CSMD1: variants seen among roughly 807,000 people sequenced by gnomAD.
The protein encoded by CSMD1 is CUB and Sushi multiple domains 1, also known as CUB and sushi domain-containing protein 1.
Under a neutral mutation model 417.5 loss-of-function variants are expected in CSMD1, and 213 were observed. The ratio of observed to expected loss-of-function variants is 0.51; its 90% CI spans 0.46 to 0.57. The LOEUF is 0.57. CSMD1 is among the 20% of genes least tolerant of loss of function. The probability of loss-of-function intolerance (pLI) is 0.00; values close to 1 mark genes in which losing one functional copy is unlikely to be tolerated. For missense variants in CSMD1, 6,923 were observed against 4,529.7 expected (o/e 1.53, Z -15.17); for synonymous variants, 2,862 against 1,736.8 (o/e 1.65, Z -16.11).
chr8:4,408,623 G>A (rs1796471705), intron 3 of CSMD1, among the ~76,000 whole-genome samples: 1 of 152,160 alleles, frequency 6.6e-6, no homozygotes, highest in African/African-American at 2.4e-5. Context: ...AATGGAAAAT[G>A]TACTCTATAT....
At chr8:4,177,860 C>G (rs1218804086) in intron 3 of CSMD1, among the ~76,000 whole-genome samples, 7 of 151,784 alleles carry the variant, frequency 4.6e-5, no homozygotes, top group Non-Finnish European at 7.4e-5. Flanking sequence ...GACACATACA[C>G]TCTCCCAAGA....
chr8:4,611,269 G>A (rs1358155506), intron 2 of CSMD1, among the ~76,000 whole-genome samples: 1 of 152,138 alleles, frequency 6.6e-6, no homozygotes, highest in Non-Finnish European at 1.5e-5. Flanking sequence ...TTAATCCTGT[G>A]TTGTGAAAAC....
intron 7 of CSMD1, among the ~76,000 whole-genome samples, chr8:3,681,390 C>T (rs1292147864): frequency 6.6e-6 from 1 of 152,012 alleles, no homozygotes; most frequent in African/African-American, 2.4e-5. Flanking sequence ...TCTTATACAC[C>T]AATAACAGAC....
intron 51 of CSMD1, among the ~76,000 whole-genome samples, chr8:3,025,784 A>G (rs1423719109): frequency 2.0e-5 from 3 of 152,258 alleles, no homozygotes; most frequent in Non-Finnish European, 4.4e-5. Flanking sequence ...TTGTTTGAAA[A>G]TGAATCCTTA....
intron 1 of CSMD1, among the ~76,000 whole-genome samples, chr8:4,884,136 G>A (rs1228456743): frequency 1.3e-5 from 2 of 152,002 alleles, no homozygotes; most frequent in Admixed American, 6.6e-5. Flanking sequence ...TGGGATCAAT[G>A]TCTATTCACA....
intron 3 of CSMD1, among the ~76,000 whole-genome samples, chr8:4,348,132 G>C (rs926095507): frequency 6.6e-6 from 1 of 152,208 alleles, no homozygotes; most frequent in Non-Finnish European, 1.5e-5. Context: ...AAGTATTAAA[G>C]AGAGAAGACC....
Position 4,869,343 on chromosome 8 carries a change from T to C in CSMD1, c.85+124989A>G, listed in dbSNP as rs563298112. The stretch of plus-strand genomic sequence containing the variant: ...GTTGTGTCTGTAGGGAAACTGGATC[T>C]CTTTCCTTTATGTTAATGCTCTCTG... On this transcript the variant is annotated intron_variant, in intron 1 of 69. Coordinates refer to ENST00000635120, the MANE Select transcript of CSMD1 (RefSeq NM_033225.6). 1.6e-4 allele frequency among the ~76,000 whole-genome samples: 24 copies of C among 152,146 alleles called. No individual in the cohort carries two copies. The South Asian group carries it at 2.5e-3, about 16-fold the overall frequency.
intron 4 of CSMD1, among the ~76,000 whole-genome samples, chr8:4,021,038 A>G (rs952631724): frequency 1.3e-5 from 2 of 152,230 alleles, no homozygotes; most frequent in African/African-American, 4.8e-5. Context: ...GTAAGTGAGA[A>G]TAAAACCCAG....
intron 1 of CSMD1, among the ~76,000 whole-genome samples, chr8:4,916,445 T>C (rs964958869): frequency 6.6e-6 from 1 of 152,252 alleles, no homozygotes; most frequent in Non-Finnish European, 1.5e-5. Flanking sequence ...ATGAAATCAA[T>C]TGTTTGTCAG....
At chr8:4,506,816 A>G (rs1252607163) in intron 2 of CSMD1, among the ~76,000 whole-genome samples, 2 of 152,234 alleles carry the variant, frequency 1.3e-5, no homozygotes, top group African/African-American at 2.4e-5. Context: ...ATAACTACAC[A>G]TCTTTTAAAT....
intron 7 of CSMD1, among the ~76,000 whole-genome samples, chr8:3,695,626 C>T (rs117130055): frequency 0.017 from 2,621 of 152,182 alleles, 24 homozygotes; most frequent in Non-Finnish European, 0.024. Flanking sequence ...TTCACAAAAG[C>T]ATCCAGAAAG....
At chr8:3,183,849 T>C (rs531490594) in intron 36 of CSMD1, among the ~76,000 whole-genome samples, 27 of 152,340 alleles carry the variant, frequency 1.8e-4, no homozygotes, top group African/African-American at 6.0e-4. Flanking sequence ...TTAATTCATA[T>C]TATTTTCACA....
chr8:4,211,940 G>C (rs185813933), intron 3 of CSMD1, among the ~76,000 whole-genome samples: 23 of 152,240 alleles, frequency 1.5e-4, no homozygotes, highest in Admixed American at 1.2e-3. Flanking sequence ...GGGTAATAAA[G>C]TCAACTGTAT....
intron 2 of CSMD1, 109 bp downstream of exon 2, chr8:4,637,233 G>C (rs747713613): frequency 2.9e-5 from 28 of 981,488 alleles, no homozygotes; most frequent in Non-Finnish European, 4.2e-5. Context: ...CGAACCCACC[G>C]GAAGGAACCA....
chr8:4,379,116 A>G (rs962484965), intron 3 of CSMD1, among the ~76,000 whole-genome samples: 18 of 152,336 alleles, frequency 1.2e-4, no homozygotes, highest in African/African-American at 2.6e-4. Flanking sequence ...TGTTAACATC[A>G]TAAGTGAAAT....
intron 5 of CSMD1, among the ~76,000 whole-genome samples, chr8:3,895,738 T>C (rs996929037): frequency 6.6e-6 from 1 of 152,200 alleles, no homozygotes; most frequent in African/African-American, 2.4e-5. Context: ...TTTCACTTAT[T>C]TATTCATTCC....
At chr8:3,020,292 A>T (rs1324792287) in intron 51 of CSMD1, among the ~76,000 whole-genome samples, 1 of 152,242 alleles carries the variant, frequency 6.6e-6, no homozygotes, top group Non-Finnish European at 1.5e-5. Flanking sequence ...AGTCAATTGA[A>T]CCAAAAGTAG....
chr8:3,613,963 A>G (rs1003313339), intron 8 of CSMD1, among the ~76,000 whole-genome samples: 4 of 151,938 alleles, frequency 2.6e-5, no homozygotes, highest in African/African-American at 7.3e-5. Flanking sequence ...TTGGAAAGCA[A>G]AAATTAAAAA....
chr8:3,656,376 C>A (rs1383864355), intron 7 of CSMD1, among the ~76,000 whole-genome samples: 1 of 151,394 alleles, frequency 6.6e-6, no homozygotes, highest in Admixed American at 6.6e-5. Context: ...TGATAGATGA[C>A]ACCTGCTTTC....
Sources: allele counts gnomAD v4.1 joint callset (sites outside exome capture counted in the v4.1 genomes callset), GRCh38; gene constraint gnomAD v4.1.1; transcripts MANE v1.5; gene names NCBI Gene and HGNC (gene_info 2026-07-23, HGNC 2026-07-21).